The following TAF3 variants were observed in gnomAD, a reference collection of about 807,000 sequenced individuals.
TAF3 encodes transcription initiation factor TFIID subunit 3.
Under a neutral mutation model 80.6 loss-of-function variants are expected in TAF3, and 7 were observed. The ratio of observed to expected loss-of-function variants is 0.09; its 90% confidence interval spans 0.05 to 0.16. The LOEUF (loss-of-function observed/expected upper bound fraction) is 0.16. Among genes scored for constraint, TAF3 ranks in the 10% least tolerant of loss-of-function variants. TAF3 has a pLI of 1.00. For synonymous variants in TAF3, 444 were observed against 446.1 expected, an observed-to-expected ratio of 1.00 and a Z score of 0.06; for missense variants, 921 against 1,140.2, an observed-to-expected ratio of 0.81 and a Z score of 2.77.
chr10:7,961,297 C>T lies in TAF3; in HGVS notation c.410-2623C>T, dbSNP rs145099973. On this transcript the variant is annotated intron_variant, in intron 2 of 6. Coordinates refer to ENST00000344293, the MANE Select transcript of TAF3 (RefSeq NM_031923.4). ...CTGGTGGGTGATGCCATCATTATCG[C>T]GAATCGGTAGCATAATTGATGAGGT... is the stretch of plus-strand genomic sequence containing the variant. 3.7e-3 allele frequency among the ~76,000 whole-genome samples: 566 copies of T among 152,264 alleles called. 4 individuals carry two copies. The highest frequency in any genetic ancestry group is 0.02 in the South Asian group (96 of 4,812).
Position 7,965,761 on chromosome 10 carries a change from T to G in TAF3, c.2232+19T>G. 1 of 1,518,524 alleles carries G rather than the reference T, an allele frequency of 6.6e-7. No individual in the cohort carries two copies. Among genetic ancestry groups the G allele is most frequent in the Non-Finnish European group, 8.8e-7 (1 of 1,142,358 alleles). 94.1% of individuals were successfully genotyped at this position (1,518,524 alleles called of 1,614,324 possible). ...TGAAAAAGTAAGCAGTTTCTCATTT[T>G]TGGCCCTATCTGAACAGAGTCCTAG... is the stretch of plus-strand genomic sequence containing the variant. On this transcript the variant is annotated intron_variant, in intron 3 of 6. Coordinates refer to ENST00000344293, the MANE Select transcript of TAF3 (RefSeq NM_031923.4).
At chr10:7,845,964 T>TG (rs1312954038) in intron 2 of TAF3, among the ~76,000 whole-genome samples, 26 of 133,636 alleles carry the variant, frequency 1.9e-4, no homozygotes, top group Admixed American at 1.3e-3. Context: ...TTTTTGTTTT[T>TG]TTTTTTTTTT....
intron 4 of TAF3, among the ~76,000 whole-genome samples, chr10:7,988,572 CAAAAAAAAAAAAAAA>C (rs58825999): frequency 8.9e-4 from 44 of 49,284 alleles, no homozygotes; most frequent in Admixed American, 4.1e-3. Flanking sequence ...GACCCTGTCT[CAAAAAAAAAAAAAAA>C]AAAAAAAAAA....
intron 2 of TAF3, among the ~76,000 whole-genome samples, chr10:7,908,826 G>A (rs1837629795): frequency 1.3e-5 from 2 of 152,260 alleles, no homozygotes; most frequent in Admixed American, 1.3e-4. Context: ...GTCTCCCAGA[G>A]CAGTGCTTCT....
chr10:7,958,573 A>G (rs1033872024), intron 2 of TAF3, among the ~76,000 whole-genome samples: 1 of 152,190 alleles, frequency 6.6e-6, no homozygotes, highest in African/African-American at 2.4e-5. Context: ...TAAAACTACA[A>G]AGGAAACAGA....
At chr10:7,923,271 G>C (rs1837782335) in intron 2 of TAF3, among the ~76,000 whole-genome samples, 1 of 150,628 alleles carries the variant, frequency 6.6e-6, no homozygotes, top group Non-Finnish European at 1.5e-5. Context: ...ATAGAGTAGT[G>C]GTAAGAACAG....
intron 2 of TAF3, among the ~76,000 whole-genome samples, chr10:7,959,262 TAAG>T (rs1838166755): frequency 1.3e-5 from 2 of 152,278 alleles, no homozygotes; most frequent in African/African-American, 2.4e-5. Flanking sequence ...CTTAAGTAAA[TAAG>T]AAAGTGTAAA....
chr10:7,876,380 A>ACC, intron 2 of TAF3, among the ~76,000 whole-genome samples: 1 of 152,216 alleles, frequency 6.6e-6, no homozygotes, highest in Non-Finnish European at 1.5e-5. Flanking sequence ...TTAATTAGGA[A>ACC]CCCTTGTAAA....
chr10:7,991,749 AT>A (rs1354580222), intron 4 of TAF3, among the ~76,000 whole-genome samples: 1 of 152,224 alleles, frequency 6.6e-6, no homozygotes, highest in African/African-American at 2.4e-5. Flanking sequence ...TACAATAAGA[AT>A]TCATATAAAG....
At chr10:7,823,617 C>A (rs1405113589) in intron 1 of TAF3, among the ~76,000 whole-genome samples, 3 of 150,310 alleles carry the variant, frequency 2.0e-5, no homozygotes, top group Admixed American at 1.3e-4. Context: ...GCCTGGGCAA[C>A]AAGCAAGATG....
intron 2 of TAF3, among the ~76,000 whole-genome samples, chr10:7,843,429 C>T (rs1836938855): frequency 6.6e-6 from 1 of 152,130 alleles, no homozygotes; most frequent in Non-Finnish European, 1.5e-5. Flanking sequence ...TTTTAAATGT[C>T]TGCATTTGTC....
chr10:7,879,095 G>A (rs1315668028), intron 2 of TAF3, among the ~76,000 whole-genome samples: 3 of 152,094 alleles, frequency 2.0e-5, no homozygotes, highest in Non-Finnish European at 4.4e-5. Context: ...TTGAAGCTAA[G>A]AGTTTAAAAA....
intron 1 of TAF3, among the ~76,000 whole-genome samples, chr10:7,820,902 G>GT (rs1836683788): frequency 6.6e-6 from 1 of 152,130 alleles, no homozygotes; most frequent in Non-Finnish European, 1.5e-5. Flanking sequence ...TTTTCCTCTG[G>GT]CCTCCGCTGC....
chr10:7,860,663 A>G (rs1837135238), intron 2 of TAF3, among the ~76,000 whole-genome samples: 1 of 152,248 alleles, frequency 6.6e-6, no homozygotes, highest in Non-Finnish European at 1.5e-5. Flanking sequence ...AAAGGTACCA[A>G]TTAAATTTTT....
At position 7,964,331 on chromosome 10, in the gene TAF3, C is replaced by T. The variant is rs1588568632; in HGVS notation, c.821C>T (p.Thr274Ile). The change falls in exon 3 of 7, where the codon ACT becomes ATT. Residue 274 changes from threonine (T) to isoleucine (I), a missense_variant. This residue lies in a region of TAF3 where 743 missense variants were observed against 821.0 expected (regional missense o/e 0.90). Coordinates refer to ENST00000344293, the MANE Select transcript of TAF3 (RefSeq NM_031923.4). The surrounding 1 kb of genome is among the most constrained non-coding windows in gnomAD (Gnocchi z 4.1). ...AAGTCATTTACACCTAAAACAAAGACTAAAACTAGCTCTCCAGGACAGAAG... is the reference window on the plus strand; with the variant it reads ...AAGTCATTTACACCTAAAACAAAGATTAAAACTAGCTCTCCAGGACAGAAG... Reference protein sequence around the residue: ...ETKSFTPKTKTKTSSPGQKTK... With the variant: ...ETKSFTPKTKIKTSSPGQKTK... 1 of 1,614,156 alleles carries T rather than the reference C, an allele frequency of 6.2e-7. No homozygotes were observed. Among genetic ancestry groups the T allele is most frequent in the East Asian group, 2.2e-5 (1 of 44,888 alleles).
chr10:7,976,881 A>G lies in TAF3; in HGVS notation c.2233-360A>G, dbSNP rs139618451. Among the ~76,000 whole-genome samples, 1,385 of 152,334 alleles carry G rather than the reference A, an allele frequency of 9.1e-3. 90 individuals carry two copies. Among genetic ancestry groups the G allele is most frequent in the Admixed American group, 0.087 (1,337 of 15,292 alleles). ...GCTTTTATCTTATAGGGAAGACATCATCGCAGTTTTTTCTATTTATATTAA... is the reference window on the plus strand; with the variant it reads ...GCTTTTATCTTATAGGGAAGACATCGTCGCAGTTTTTTCTATTTATATTAA... On this transcript the variant is annotated intron_variant, in intron 3 of 6. Transcript: ENST00000344293.
At chr10:8,011,650 A>C (rs1476788369) in intron 5 of TAF3, among the ~76,000 whole-genome samples, 1 of 152,176 alleles carries the variant, frequency 6.6e-6, no homozygotes, top group Non-Finnish European at 1.5e-5. Context: ...CCATTCGGGG[A>C]CCAATCATTG....
chr10:7,822,816 A>C (rs76476870), intron 1 of TAF3, among the ~76,000 whole-genome samples: 2,245 of 152,346 alleles, frequency 0.015, 56 homozygotes, highest in African/African-American at 0.052. Flanking sequence ...GACATTTTTA[A>C]AGATGTAGAG....
chr10:7,884,325 T>C (rs891208959), intron 2 of TAF3, among the ~76,000 whole-genome samples: 1 of 152,052 alleles, frequency 6.6e-6, no homozygotes, highest in African/African-American at 2.4e-5. Context: ...AAGAAGATGA[T>C]CTAGGCTCTT....
Sources: allele counts gnomAD v4.1 joint callset (sites outside exome capture counted in the v4.1 genomes callset), GRCh38; gene constraint gnomAD v4.1.1; regional missense constraint gnomAD v4.1.1; non-coding constraint Gnocchi (gnomAD v3.1); transcripts MANE v1.5; gene names NCBI Gene and HGNC (gene_info 2026-07-23, HGNC 2026-07-21).